Variants in TET1 observed in about 807,000 individuals in gnomAD.
TET1 encodes tet methylcytosine dioxygenase 1, also known as methylcytosine dioxygenase TET1.
TET1 carries 13 observed loss-of-function variants against 148.7 expected under a neutral mutation model. The ratio of observed to expected loss-of-function variants is 0.09; its 90% CI spans 0.06 to 0.14. The LOEUF (loss-of-function observed/expected upper bound fraction) is 0.14. TET1 is among the 10% of genes least tolerant of loss of function. The pLI, the probability that TET1 is intolerant of heterozygous loss-of-function variation, is 1.00. For synonymous variants in TET1, 907 were observed against 937.2 expected, an observed-to-expected ratio of 0.97 and a Z score of 0.59; for missense variants, 2,182 against 2,553.8, an observed-to-expected ratio of 0.85 and a Z score of 3.14.
Position 68,573,565 on chromosome 10 carries a change from T to C in TET1, c.1227T>C (p.Phe409=), listed in dbSNP as rs764007635. Residue 409 remains phenylalanine (F), a synonymous_variant, in exon 2 of 12, where the codon TTT becomes TTC. Coordinates refer to ENST00000373644, the MANE Select transcript of TET1 (RefSeq NM_030625.3). ...PGAIPVQGEV[F]GTILDQQETL... is the part of the protein sequence containing the mutation. ...CTATTCCAGTCCAAGGAGAGGTCTT[T>C]GGTACTATTTTAGACCAACAAGAAA... The C allele has an allele frequency of 1.2e-6, 2 of 1,614,200 alleles. No homozygotes were observed. Among genetic ancestry groups the C allele is most frequent in the Admixed American group, 3.3e-5 (2 of 60,020 alleles).
chr10:68,573,866 G>T lies in TET1; in HGVS notation c.1528G>T (p.Ala510Ser). ...EKQVHISFLP[A>S]NTQGFPLAPE... is the part of the protein sequence containing the mutation. ...GCAGGTTCATATAAGCTTCCTGCCAGCTAACACTCAGGGGTTCCCATTAGC... is the reference window on the plus strand; with the variant it reads ...GCAGGTTCATATAAGCTTCCTGCCATCTAACACTCAGGGGTTCCCATTAGC... The change falls in exon 2 of 12, where the codon GCT becomes TCT. Residue 510 changes from alanine to serine, a missense_variant. By Grantham distance (99) the Ala-to-Ser change is moderately conservative. Coordinates refer to ENST00000373644, the MANE Select transcript of TET1 (RefSeq NM_030625.3). 2 of 1,614,136 alleles carry T rather than the reference G, an allele frequency of 1.2e-6. No individual in the cohort carries two copies. Among genetic ancestry groups the T allele is most frequent in the South Asian group, 2.2e-5 (2 of 91,084 alleles).
intron 3 of TET1, among the ~76,000 whole-genome samples, chr10:68,630,582 T>G (rs2054554796): frequency 6.6e-6 from 1 of 152,196 alleles, no homozygotes; most frequent in African/African-American, 2.4e-5. Flanking sequence ...CCCAAAGCGC[T>G]GGGATTACAG....
At chr10:68,598,810 C>T (rs1351538965) in intron 2 of TET1, among the ~76,000 whole-genome samples, 1 of 151,332 alleles carries the variant, frequency 6.6e-6, no homozygotes, top group Admixed American at 6.6e-5. Context: ...CCTGTCTCAG[C>T]CTCCCGAGTA....
At position 68,682,772 on chromosome 10, in the gene TET1, C is replaced by T. The variant is rs1298724278; in HGVS notation, c.4915-64C>T. The T allele has an allele frequency of 1.6e-5, 24 of 1,521,204 alleles. No individual in the cohort carries two copies. The Admixed American group carries it at 4.9e-4, about 31-fold the overall frequency. The allele number at this position is 1,521,204 out of a possible 1,614,324, so 94.2% of individuals were successfully genotyped here. ...ACTTCATGAGGAAATTATTTTTACT[C>T]TTTACTGAAGGTAGGTGATTTCCTT... On this transcript the variant is annotated intron_variant, in intron 9 of 11. Transcript: ENST00000373644.
chr10:68,583,678 C>T (rs1004842302), intron 2 of TET1, among the ~76,000 whole-genome samples: 4 of 152,060 alleles, frequency 2.6e-5, no homozygotes, highest in Admixed American at 6.6e-5. Flanking sequence ...TTCGGGAGGC[C>T]GAGGCAAGCA....
intron 8 of TET1, among the ~76,000 whole-genome samples, chr10:68,680,870 A>C (rs1163970363): frequency 6.6e-6 from 1 of 152,210 alleles, no homozygotes; most frequent in African/African-American, 2.4e-5. Context: ...GCTCTTTCGT[A>C]GAGATCATGC....
At chr10:68,562,841 C>T (rs2053568866) in intron 1 of TET1, among the ~76,000 whole-genome samples, 1 of 152,076 alleles carries the variant, frequency 6.6e-6, no homozygotes, top group Admixed American at 6.6e-5. Context: ...TCCCCTATCC[C>T]CTTGGTCTTT....
intron 1 of TET1, among the ~76,000 whole-genome samples, chr10:68,562,684 T>C (rs1276752913): frequency 7.0e-6 from 1 of 142,760 alleles, no homozygotes; most frequent in Non-Finnish European, 1.5e-5. Context: ...GAGTTAACTA[T>C]CGCTCTCCGG....
chr10:68,633,368 G>GTT (rs34622339), intron 3 of TET1, among the ~76,000 whole-genome samples: 52 of 148,284 alleles, frequency 3.5e-4, no homozygotes, highest in Middle Eastern at 3.5e-3. Context: ...TTTATACTGG[G>GTT]TTTTTTTTTT....
At chr10:68,569,449 C>T (rs1051218630) in intron 1 of TET1, among the ~76,000 whole-genome samples, 32 of 152,132 alleles carry the variant, frequency 2.1e-4, no homozygotes, top group Non-Finnish European at 4.1e-4. Context: ...GCTGGGATTA[C>T]AGGCGTGAAT....
chr10:68,579,932 CTTT>C (rs777355196), intron 2 of TET1, among the ~76,000 whole-genome samples: 1 of 144,554 alleles, frequency 6.9e-6, no homozygotes, highest in Admixed American at 7.0e-5. Context: ...CTTCCTTCTT[CTTT>C]TTTTTTTTTT....
intron 3 of TET1, among the ~76,000 whole-genome samples, chr10:68,644,265 A>G (rs2075496421): frequency 1.3e-5 from 2 of 152,144 alleles, no homozygotes; most frequent in South Asian, 4.2e-4. Flanking sequence ...ATAGTAGCAC[A>G]GTCCTGGCTC....
intron 3 of TET1, among the ~76,000 whole-genome samples, chr10:68,621,979 G>A (rs1258112067): frequency 6.6e-6 from 1 of 152,032 alleles, no homozygotes; most frequent in African/African-American, 2.4e-5. Context: ...GTAGTACAAA[G>A]AATTCTCTTA....
intron 3 of TET1, among the ~76,000 whole-genome samples, chr10:68,619,180 A>G (rs1017647695): frequency 6.6e-6 from 1 of 152,134 alleles, no homozygotes; most frequent in Non-Finnish European, 1.5e-5. Context: ...TATACATACA[A>G]GTATCTCTAT....
At chr10:68,673,527 T>C in intron 8 of TET1, 1 of 335,768 alleles carries the variant, frequency 3.0e-6, no homozygotes, top group South Asian at 2.5e-5. Context: ...TTAAGTTAAA[T>C]AAGTTCAATA....
rs560446161 is a variant in TET1 at position 68,646,348 on chromosome 10, C to A, written c.3619C>A (p.Pro1207Thr). 6.2e-7 allele frequency: 1 copy of A among 1,614,086 alleles called. No homozygotes were observed. The highest frequency in any genetic ancestry group is 1.1e-5 in the South Asian group (1 of 91,070). ...NFGQFCPHDF[P>T]TVFGKISSST... ...TGGGCAATTTTGTCCACATGATTTT[C>A]CTACTGTATTTGGGAAAATTTCTTC... is the stretch of plus-strand genomic sequence containing the variant. Residue 1207 changes from proline (P) to threonine (T), a missense_variant, in exon 4 of 12, where the codon CCT becomes ACT. Physicochemically the swap from Pro to Thr is conservative, Grantham distance 38 (BLOSUM62 -1). This residue lies in a region of TET1 where 582 missense variants were observed against 599.5 expected (regional missense o/e 0.97). Transcript: ENST00000373644.
chr10:68,618,828 C>A (rs1427046079), intron 3 of TET1, among the ~76,000 whole-genome samples: 1 of 152,054 alleles, frequency 6.6e-6, no homozygotes, highest in Non-Finnish European at 1.5e-5. Context: ...CTGGGCCTGG[C>A]CTGGTAGCAA....
At chr10:68,632,148 T>C (rs2054581974) in intron 3 of TET1, among the ~76,000 whole-genome samples, 1 of 151,854 alleles carries the variant, frequency 6.6e-6, no homozygotes, top group African/African-American at 2.4e-5. Flanking sequence ...GGTGAAACCC[T>C]GTCTCTACTA....
At chr10:68,653,573 C>G (rs2054971852) in intron 6 of TET1, among the ~76,000 whole-genome samples, 1 of 152,144 alleles carries the variant, frequency 6.6e-6, no homozygotes, top group South Asian at 2.1e-4. Context: ...TTCAGTCTTC[C>G]TATTCTACAT....
Sources: gnomAD v4.1 joint callset for allele counts (sites outside exome capture counted in the v4.1 genomes callset) on GRCh38, gnomAD v4.1.1 for gene constraint, gnomAD v4.1.1 regional missense constraint, MANE v1.5 for transcripts, NCBI Gene and HGNC (gene_info 2026-07-23, HGNC 2026-07-21) for gene names.